The following OR4A16 variants were observed in gnomAD, a reference collection of about 807,000 sequenced individuals.
OR4A16 encodes the protein olfactory receptor family 4 subfamily A member 16, also known as olfactory receptor 4A16.
For synonymous variants in OR4A16, 210 were observed against 138.6 expected, an observed-to-expected ratio of 1.51 and a Z score of -3.62; for missense variants, 594 against 390.9, an observed-to-expected ratio of 1.52 and a Z score of -4.38.
rs76072904 is a variant in OR4A16, at chr11:55,343,595, A to C, written c.395A>C (p.Asn132Thr). 0.014 allele frequency: 20,821 copies of C among 1,525,958 alleles called. No individual in the cohort carries two copies. Among genetic ancestry groups the C allele is most frequent in the African/African-American group, 0.035 (2,532 of 72,242 alleles). 94.5% of individuals were successfully genotyped at this position (1,525,958 alleles called of 1,614,324 possible). A position where few individuals can be genotyped will look rare whatever the true frequency, so the allele number is the denominator to read the frequency against. The change falls in exon 1 of 1, where the codon AAC becomes ACC. Residue 132 changes from asparagine to threonine, a missense_variant. By Grantham distance (65) the Asn-to-Thr change is moderately conservative. Coordinates refer to ENST00000314721, the MANE Select transcript of OR4A16 (RefSeq NM_001005274.1). ...VAISKPLHYL[N>T]IMNRLVCILL... Reference sequence around the variant, plus strand: ...ATCTCTAAGCCGCTGCACTATTTGAACATCATGAATCGACTGGTTTGCATC... The same window carrying C: ...ATCTCTAAGCCGCTGCACTATTTGACCATCATGAATCGACTGGTTTGCATC...
In OR4A16 at chr11:55,343,920, C is replaced by T. The variant is rs267602963; in HGVS notation, c.720C>T (p.Ser240=). The T allele has an allele frequency of 9.3e-6, 15 of 1,613,686 alleles. No homozygotes were observed. The East Asian group carries it at 2.9e-4, about 31-fold the overall frequency. The change falls in exon 1 of 1, where the codon TCC becomes TCT. Residue 240 remains serine (S), a synonymous_variant. Coordinates refer to ENST00000314721, the MANE Select transcript of OR4A16 (RefSeq NM_001005274.1). The part of the protein sequence containing the change: ...ERHKALPTCI[S]HIIVVALVFV... Reference sequence around the variant, plus strand: ...ATAAAGCCCTGCCTACCTGCATCTCCCACATCATTGTGGTTGCCCTCGTTT... The same window carrying T: ...ATAAAGCCCTGCCTACCTGCATCTCTCACATCATTGTGGTTGCCCTCGTTT...
In OR4A16 at chr11:55,343,431, C is replaced by T; in HGVS notation, c.231C>T (p.Pro77=). Residue 77 remains proline (P), a synonymous_variant, in exon 1 of 1, where the codon CCC becomes CCT. Transcript: ENST00000314721. ...MDAIYSTAMS[P]KLMIDLLCDK... Reference sequence around the variant, plus strand: ...CCATATATTCCACTGCCATGTCACCCAAATTGATGATAGACTTACTCTGTG... The same window carrying T: ...CCATATATTCCACTGCCATGTCACCTAAATTGATGATAGACTTACTCTGTG... 6.2e-7 allele frequency: 1 copy of T among 1,613,860 alleles called. No individual in the cohort carries two copies. Among genetic ancestry groups the T allele is most frequent in the Non-Finnish European group, 8.5e-7 (1 of 1,179,896 alleles).
In OR4A16 at chr11:55,343,212, C is replaced by A. The variant is rs79878073; in HGVS notation, c.12C>A (p.Ser4Arg). Residue 4 changes from serine to arginine, a missense_variant, in exon 1 of 1, where the codon AGC becomes AGA. Coordinates refer to ENST00000314721, the MANE Select transcript of OR4A16 (RefSeq NM_001005274.1). ...TGAAAGAAGAGTAAATGAGACCAAG[C>A]AGCAATGTTACAGAATTTGTCCTCC... MRP[S>R]SNVTEFVLLG... 17 of 1,591,028 alleles carry A rather than the reference C, an allele frequency of 1.1e-5. No homozygotes were observed. The highest frequency in any genetic ancestry group is 1.5e-5 in the Non-Finnish European group (17 of 1,167,334).
Position 55,344,123 on chromosome 11 carries a change from G to GA in OR4A16, c.928dup (p.Arg310LysfsTer12). 6.2e-7 allele frequency: 1 copy of GA among 1,606,658 alleles called. No homozygotes were observed. The highest frequency in any genetic ancestry group is 8.5e-7 in the Non-Finnish European group (1 of 1,178,588). ...TGGTGTGAAAAGTTAAGTATAGTTA[G>GA]AAAAAGAGTATCTCCCACACTGAAC... On this transcript the variant is annotated frameshift_variant, in exon 1 of 1. Coordinates refer to ENST00000314721, the MANE Select transcript of OR4A16 (RefSeq NM_001005274.1). LOFTEE classifies it low-confidence loss of function (END_TRUNC).
chr11:55,343,835 T>C lies in OR4A16; in HGVS notation c.635T>C (p.Leu212Pro), dbSNP rs1370000574. 2 of 1,613,868 alleles carry C rather than the reference T, an allele frequency of 1.2e-6. No homozygotes were observed. The highest frequency in any genetic ancestry group is 1.7e-6 in the Non-Finnish European group (2 of 1,179,916). The change falls in exon 1 of 1, where the codon CTG becomes CCG. Residue 212 changes from leucine to proline, a missense_variant. Physicochemically the swap from Leu to Pro is moderately conservative, Grantham distance 98. Coordinates refer to ENST00000314721, the MANE Select transcript of OR4A16 (RefSeq NM_001005274.1). ...ATTTGTATGGTCATCTTTACCTTTCTGCTAATCTCCTGTGGAGTCATCCTA... is the reference window on the plus strand; with the variant it reads ...ATTTGTATGGTCATCTTTACCTTTCCGCTAATCTCCTGTGGAGTCATCCTA... ...GIICMVIFTFLLISCGVILNF... is the reference protein window; with the variant it reads ...GIICMVIFTFPLISCGVILNF...
At position 55,343,240 on chromosome 11, in the gene OR4A16, G is replaced by T. The variant is rs759714385; in HGVS notation, c.40G>T (p.Gly14Cys). The change falls in exon 1 of 1, where the codon GGC becomes TGC. Residue 14 changes from glycine (G) to cysteine (C), a missense_variant. By Grantham distance (159) the Gly-to-Cys change is radical. Coordinates refer to ENST00000314721, the MANE Select transcript of OR4A16 (RefSeq NM_001005274.1). ...SSNVTEFVLL[G>C]LTQDPDVKKT... ...CAATGTTACAGAATTTGTCCTCCTG[G>T]GCCTCACTCAAGATCCTGATGTGAA... The T allele has an allele frequency of 2.5e-6, 4 of 1,610,412 alleles. No individual in the cohort carries two copies. The African/African-American group carries it at 5.4e-5, about 22-fold the overall frequency.
chr11:55,343,957 A>G lies in OR4A16; in HGVS notation c.757A>G (p.Ile253Val), dbSNP rs751607084. ...IVVALVFVPCIFMYVRPVSNF... is the reference protein window; with the variant it reads ...IVVALVFVPCVFMYVRPVSNF... ...GGTTGCCCTCGTTTTTGTTCCCTGT[A>G]TTTTTATGTATGTTAGACCCGTTTC... The change falls in exon 1 of 1, where the codon ATT becomes GTT. Residue 253 changes from isoleucine (I) to valine (V), a missense_variant. Physicochemically the swap from Ile to Val is conservative, Grantham distance 29. Coordinates refer to ENST00000314721, the MANE Select transcript of OR4A16 (RefSeq NM_001005274.1). 3.7e-6 allele frequency: 6 copies of G among 1,613,708 alleles called. No individual in the cohort carries two copies. Among genetic ancestry groups the G allele is most frequent in the Non-Finnish European group, 5.1e-6 (6 of 1,179,854 alleles).
rs772504147 is a variant in OR4A16 at position 55,344,160 on chromosome 11, T to C, written c.960T>C (p.Pro320=). The C allele has an allele frequency of 1.9e-6, 3 of 1,592,446 alleles. No individual in the cohort carries two copies. Among genetic ancestry groups the C allele is most frequent in the Non-Finnish European group, 2.6e-6 (3 of 1,175,254 alleles). The stretch of plus-strand genomic sequence containing the variant: ...CTCCCACACTGAACATATTTATTCC[T>C]AGTTCTAAGGCAACAAATAGGCGGT... ...RVSPTLNIFI[P]SSKATNRR Residue 320 remains proline (P), a synonymous_variant, in exon 1 of 1, where the codon CCT becomes CCC. Coordinates refer to ENST00000314721, the MANE Select transcript of OR4A16 (RefSeq NM_001005274.1).
In OR4A16 at chr11:55,343,595, A is replaced by T. The variant is rs76072904; in HGVS notation, c.395A>T (p.Asn132Ile). 2 of 1,604,566 alleles carry T rather than the reference A, an allele frequency of 1.2e-6. No individual in the cohort carries two copies. Among genetic ancestry groups the T allele is most frequent in the South Asian group, 2.2e-5 (2 of 90,904 alleles). Residue 132 changes from asparagine to isoleucine, a missense_variant, in exon 1 of 1, where the codon AAC becomes ATC. Transcript: ENST00000314721. The part of the protein sequence containing the change: ...VAISKPLHYL[N>I]IMNRLVCILL... ...ATCTCTAAGCCGCTGCACTATTTGA[A>T]CATCATGAATCGACTGGTTTGCATC...
rs201128700 is a variant in OR4A16, at chr11:55,343,341, T to C, written c.141T>C (p.Thr47=). Residue 47 remains threonine, a synonymous_variant, in exon 1 of 1, where the codon ACT becomes ACC. Coordinates refer to ENST00000314721, the MANE Select transcript of OR4A16 (RefSeq NM_001005274.1). ...GAAACCTCCTCATTTGGGTGACTAC[T>C]ATTGGCAGCCCCTCCTTGGGCTCCC... ...MVGNLLIWVT[T]IGSPSLGSLM... 16,764 of 1,559,226 alleles carry C rather than the reference T, an allele frequency of 0.011. No individual in the cohort carries two copies. Among genetic ancestry groups the C allele is most frequent in the African/African-American group, 0.033 (2,416 of 72,878 alleles).
chr11:55,343,422 C>T lies in OR4A16; in HGVS notation c.222C>T (p.Ala74=), dbSNP rs1197501330. The T allele has an allele frequency of 1.2e-6, 2 of 1,613,762 alleles. No individual in the cohort carries two copies. The highest frequency in any genetic ancestry group is 2.2e-5 in the East Asian group (1 of 44,846). The stretch of plus-strand genomic sequence containing the variant: ...TTATGGATGCCATATATTCCACTGC[C>T]ATGTCACCCAAATTGATGATAGACT... ...LSLMDAIYST[A]MSPKLMIDLL... Residue 74 remains alanine (A), a synonymous_variant, in exon 1 of 1, where the codon GCC becomes GCT. Coordinates refer to ENST00000314721, the MANE Select transcript of OR4A16 (RefSeq NM_001005274.1).
Position 55,344,146 on chromosome 11 carries a change from A to C in OR4A16, c.946A>C (p.Asn316His). The C allele has an allele frequency of 6.2e-7, 1 of 1,600,426 alleles. No individual in the cohort carries two copies. Among genetic ancestry groups the C allele is most frequent in the Non-Finnish European group, 8.5e-7 (1 of 1,177,986 alleles). ...TAGAAAAAGAGTATCTCCCACACTG[A>C]ACATATTTATTCCTAGTTCTAAGGC... ...IVRKRVSPTL[N>H]IFIPSSKATN... Residue 316 changes from asparagine to histidine, a missense_variant, in exon 1 of 1, where the codon AAC (asparagine) becomes CAC (histidine). Coordinates refer to ENST00000314721, the MANE Select transcript of OR4A16 (RefSeq NM_001005274.1).
rs79376849 is a variant in OR4A16, at chr11:55,343,822, A to G, written c.622A>G (p.Ile208Val). The G allele has an allele frequency of 9.0e-4, 1,430 of 1,591,986 alleles. No individual in the cohort carries two copies. Among genetic ancestry groups the G allele is most frequent in the African/African-American group, 6.6e-3 (474 of 71,428 alleles). The change falls in exon 1 of 1, where the codon ATC becomes GTC. Residue 208 changes from isoleucine to valine, a missense_variant. Coordinates refer to ENST00000314721, the MANE Select transcript of OR4A16 (RefSeq NM_001005274.1). ...VANGGIICMV[I>V]FTFLLISCGV... is the part of the protein sequence containing the mutation. ...CAATGGTGGAATAATTTGTATGGTC[A>G]TCTTTACCTTTCTGCTAATCTCCTG...
At position 55,344,141 on chromosome 11, in the gene OR4A16, C is replaced by T. The variant is rs750150997; in HGVS notation, c.941C>T (p.Thr314Ile). 2 of 1,601,496 alleles carry T rather than the reference C, an allele frequency of 1.2e-6. No homozygotes were observed. The highest frequency in any genetic ancestry group is 1.7e-4 in the Middle Eastern group (1 of 5,926). The change falls in exon 1 of 1, where the codon ACA (threonine) becomes ATA (isoleucine). Residue 314 changes from threonine (T) to isoleucine (I), a missense_variant. Physicochemically the swap from Thr to Ile is moderately conservative, Grantham distance 89 (BLOSUM62 -1). Coordinates refer to ENST00000314721, the MANE Select transcript of OR4A16 (RefSeq NM_001005274.1). ...ATAGTTAGAAAAAGAGTATCTCCCACACTGAACATATTTATTCCTAGTTCT... is the reference window on the plus strand; with the variant it reads ...ATAGTTAGAAAAAGAGTATCTCCCATACTGAACATATTTATTCCTAGTTCT... ...LSIVRKRVSP[T>I]LNIFIPSSKA...
rs1424188505 is a variant in OR4A16 at position 55,344,030 on chromosome 11, C to T, written c.830C>T (p.Thr277Ile). Residue 277 changes from threonine to isoleucine, a missense_variant, in exon 1 of 1, where the codon ACA becomes ATA. Physicochemically the swap from Thr to Ile is moderately conservative, Grantham distance 89. Transcript: ENST00000314721. Reference protein sequence around the residue: ...KLMTVFYSIITLMLNPLIYSL... With the variant: ...KLMTVFYSIIILMLNPLIYSL... ...ATGACTGTGTTTTATTCAATTATCACACTCATGTTGAATCCTTTAATATAC... is the reference window on the plus strand; with the variant it reads ...ATGACTGTGTTTTATTCAATTATCATACTCATGTTGAATCCTTTAATATAC... 2 of 1,612,090 alleles carry T rather than the reference C, an allele frequency of 1.2e-6. No homozygotes were observed. Among genetic ancestry groups the T allele is most frequent in the Non-Finnish European group, 1.7e-6 (2 of 1,178,476 alleles).
At position 55,343,442 on chromosome 11, in the gene OR4A16, T is replaced by G. The variant is rs147641414; in HGVS notation, c.242T>G (p.Ile81Arg). 2 of 1,603,416 alleles carry G rather than the reference T, an allele frequency of 1.2e-6. No individual in the cohort carries two copies. The highest frequency in any genetic ancestry group is 1.7e-6 in the Non-Finnish European group (2 of 1,170,472). The change falls in exon 1 of 1, where the codon ATA becomes AGA. Residue 81 changes from isoleucine (I) to arginine (R), a missense_variant. Physicochemically the swap from Ile to Arg is moderately conservative, Grantham distance 97. Transcript: ENST00000314721. ...ACTGCCATGTCACCCAAATTGATGA[T>G]AGACTTACTCTGTGATAAAATCGCT... is the stretch of plus-strand genomic sequence containing the variant. ...YSTAMSPKLM[I>R]DLLCDKIAIS...
rs1853465120 is a variant in OR4A16, at chr11:55,343,790, T to A, written c.590T>A (p.Val197Glu). The A allele has an allele frequency of 6.2e-7, 1 of 1,613,880 alleles. No homozygotes were observed. The highest frequency in any genetic ancestry group is 1.7e-5 in the Admixed American group (1 of 59,996). Residue 197 changes from valine (V) to glutamate (E), a missense_variant, in exon 1 of 1, where the codon GTG becomes GAG. By Grantham distance (121) the Val-to-Glu change is moderately radical. Coordinates refer to ENST00000314721, the MANE Select transcript of OR4A16 (RefSeq NM_001005274.1). Reference sequence around the variant, plus strand: ...GACACCTACTTTATAGGACTCACTGTGGTTGCCAATGGTGGAATAATTTGT... The same window carrying A: ...GACACCTACTTTATAGGACTCACTGAGGTTGCCAATGGTGGAATAATTTGT... ...CLDTYFIGLT[V>E]VANGGIICMV... is the part of the protein sequence containing the mutation.
rs774499821 is a variant in OR4A16 at position 55,343,411 on chromosome 11, T to C, written c.211T>C (p.Tyr71His). 12 of 1,613,770 alleles carry C rather than the reference T, an allele frequency of 7.4e-6. No individual in the cohort carries two copies. The highest frequency in any genetic ancestry group is 3.3e-5 in the Admixed American group (2 of 59,964). Residue 71 changes from tyrosine to histidine, a missense_variant, in exon 1 of 1, where the codon TAT (tyrosine) becomes CAT (histidine). By Grantham distance (83) the Tyr-to-His change is moderately conservative. Coordinates refer to ENST00000314721, the MANE Select transcript of OR4A16 (RefSeq NM_001005274.1). ...CTACTTGTCACTTATGGATGCCATA[T>C]ATTCCACTGCCATGTCACCCAAATT... ...LAYLSLMDAIYSTAMSPKLMI... is the reference protein window; with the variant it reads ...LAYLSLMDAIHSTAMSPKLMI...
rs1402198405 is a variant in OR4A16 at position 55,343,267 on chromosome 11, A to G, written c.67A>G (p.Lys23Glu). 47 of 1,613,120 alleles carry G rather than the reference A, an allele frequency of 2.9e-5. No individual in the cohort carries two copies. Among genetic ancestry groups the G allele is most frequent in the Non-Finnish European group, 3.9e-5 (46 of 1,179,678 alleles). The change falls in exon 1 of 1, where the codon AAA (lysine) becomes GAA (glutamate). Residue 23 changes from lysine to glutamate, a missense_variant. Lys to Glu is a moderately conservative substitution (Grantham distance 56). Coordinates refer to ENST00000314721, the MANE Select transcript of OR4A16 (RefSeq NM_001005274.1). ...LGLTQDPDVK[K>E]TLFVMFLLIY... ...CCTCACTCAAGATCCTGATGTGAAA[A>G]AAACATTATTTGTCATGTTTTTACT... is the stretch of plus-strand genomic sequence containing the variant.
Sources: gnomAD v4.1 joint callset for allele counts on GRCh38, gnomAD v4.1.1 for gene constraint, MANE v1.5 for transcripts, NCBI Gene and HGNC (gene_info 2026-07-23, HGNC 2026-07-21) for gene names.